Variants in CFAP299 observed in about 807,000 individuals in gnomAD.
CFAP299 encodes the protein cilia- and flagella-associated protein 299.
In CFAP299, 21 loss-of-function variants were observed where a neutral mutation model predicts 27.0. That is an observed-to-expected ratio of 0.78 (90% CI 0.55 to 1.12). The LOEUF (loss-of-function observed/expected upper bound fraction) is 1.12, where lower values mean the gene tolerates loss of function less well. CFAP299 is among the 50% of genes most tolerant of loss of function. The pLI is 0.00. For synonymous variants in CFAP299, 104 were observed against 98.1 expected, an observed-to-expected ratio of 1.06 and a Z score of -0.36; for missense variants, 310 against 276.6, an observed-to-expected ratio of 1.12 and a Z score of -0.86.
Position 80,864,485 on chromosome 4 carries a change from T to TAC in CFAP299, c.334-5507_334-5506insCA, listed in dbSNP as rs201297919. On this transcript the variant is annotated intron_variant, in intron 3 of 5. Transcript: ENST00000358105. ...ATATATATACCTATGTGTATACATA[T>TAC]ATACACATATATATACATATATACC... 6.4e-3 allele frequency among the ~76,000 whole-genome samples: 934 copies of TAC among 146,400 alleles called. 9 individuals are homozygous for TAC. Among genetic ancestry groups the TAC allele is most frequent in the African/African-American group, 0.022 (880 of 40,110 alleles).
chr4:80,720,333 C>T (rs1722740520), intron 3 of CFAP299, among the ~76,000 whole-genome samples: 1 of 152,100 alleles, frequency 6.6e-6, no homozygotes, highest in Non-Finnish European at 1.5e-5. Context: ...TGAAAAATCT[C>T]ATAGTTCACA....
intron 1 of CFAP299, among the ~76,000 whole-genome samples, chr4:80,360,809 G>A (rs1408874985): frequency 1.3e-5 from 2 of 152,190 alleles, no homozygotes; most frequent in African/African-American, 2.4e-5. Context: ...TATATTTGGT[G>A]GAAAATTCTT....
intron 2 of CFAP299, among the ~76,000 whole-genome samples, chr4:80,452,375 A>G (rs1181197572): frequency 1.3e-5 from 2 of 148,950 alleles, no homozygotes; most frequent in African/African-American, 5.2e-5. Context: ...GAGAATTCAA[A>G]TTAGTTTTTT....
intron 3 of CFAP299, among the ~76,000 whole-genome samples, chr4:80,773,826 A>T (rs934105390): frequency 2.6e-5 from 4 of 151,950 alleles, no homozygotes; most frequent in Non-Finnish European, 4.4e-5. Context: ...AAAGTTATAA[A>T]TTTTTTATAA....
intron 3 of CFAP299, among the ~76,000 whole-genome samples, chr4:80,822,307 G>C (rs556829363): frequency 1.9e-4 from 29 of 152,078 alleles, no homozygotes; most frequent in Non-Finnish European, 3.5e-4. Flanking sequence ...TCTTGGAATT[G>C]ACAAGAAAAG....
At chr4:80,719,536 TTCTGATATG>T (rs2110044290) in intron 3 of CFAP299, among the ~76,000 whole-genome samples, 1 of 152,346 alleles carries the variant, frequency 6.6e-6, no homozygotes, top group Non-Finnish European at 1.5e-5. Context: ...ATCTCATAAA[TTCTGATATG>T]TTGTGTTTTA....
chr4:80,739,284 T>G (rs1019013400), intron 3 of CFAP299, among the ~76,000 whole-genome samples: 1 of 152,168 alleles, frequency 6.6e-6, no homozygotes, highest in African/African-American at 2.4e-5. Flanking sequence ...AATTAATTCT[T>G]GCTCTTTAGC....
At chr4:80,406,177 T>G (rs892144103) in intron 2 of CFAP299, among the ~76,000 whole-genome samples, 4 of 152,306 alleles carry the variant, frequency 2.6e-5, no homozygotes, top group East Asian at 1.9e-4. Flanking sequence ...TTAATAAACC[T>G]TGTACATTTG....
chr4:80,554,997 C>T (rs921498875), intron 2 of CFAP299, among the ~76,000 whole-genome samples: 9 of 152,104 alleles, frequency 5.9e-5, no homozygotes, highest in South Asian at 2.1e-4. Context: ...TTATTTCTTT[C>T]GCTTGCCTGA....
At chr4:80,920,207 A>G (rs1385223080) in intron 4 of CFAP299, among the ~76,000 whole-genome samples, 1 of 152,112 alleles carries the variant, frequency 6.6e-6, no homozygotes. Context: ...TTAGACTAAT[A>G]TGGAACTAGA....
At chr4:80,632,276 GAAC>G (rs1345661993) in intron 3 of CFAP299, among the ~76,000 whole-genome samples, 1 of 138,726 alleles carries the variant, frequency 7.2e-6, no homozygotes, top group South Asian at 2.4e-4. Context: ...CTTTAATAAA[GAAC>G]AAATATGCTT....
At chr4:80,659,271 T>G (rs1369130100) in intron 3 of CFAP299, among the ~76,000 whole-genome samples, 1 of 151,726 alleles carries the variant, frequency 6.6e-6, no homozygotes, top group African/African-American at 2.4e-5. Flanking sequence ...AAGTGCAAAC[T>G]GCAGAGGTAA....
intron 1 of CFAP299, among the ~76,000 whole-genome samples, chr4:80,339,674 T>G (rs972247341): frequency 6.6e-5 from 10 of 152,198 alleles, no homozygotes; most frequent in African/African-American, 2.4e-4. Flanking sequence ...AGAAATATAT[T>G]TGTTCTGGGA....
At chr4:80,894,413 GTTTAT>G (rs1392322801) in intron 4 of CFAP299, among the ~76,000 whole-genome samples, 1 of 151,956 alleles carries the variant, frequency 6.6e-6, no homozygotes, top group Non-Finnish European at 1.5e-5. Flanking sequence ...TAATTTGTGT[GTTTAT>G]TTTATGTACC....
intron 2 of CFAP299, among the ~76,000 whole-genome samples, chr4:80,498,032 T>C (rs1731549973): frequency 6.6e-6 from 1 of 151,872 alleles, no homozygotes; most frequent in Admixed American, 6.6e-5. Flanking sequence ...CAGTAAACGG[T>C]GCTAGCTATA....
intron 2 of CFAP299, among the ~76,000 whole-genome samples, chr4:80,449,328 CATTTT>C (rs749382765): frequency 1.3e-4 from 19 of 151,966 alleles, no homozygotes; most frequent in African/African-American, 3.1e-4. Flanking sequence ...ATTGTTATTT[CATTTT>C]AAATTTTATT....
At chr4:80,536,498 A>T (rs1352705813) in intron 2 of CFAP299, among the ~76,000 whole-genome samples, 1 of 152,196 alleles carries the variant, frequency 6.6e-6, no homozygotes, top group Non-Finnish European at 1.5e-5. Context: ...AAGTGGCATG[A>T]TGCTACCATA....
intron 2 of CFAP299, among the ~76,000 whole-genome samples, chr4:80,385,083 T>C (rs1049694308): frequency 2.6e-5 from 4 of 152,186 alleles, no homozygotes; most frequent in African/African-American, 7.2e-5. Flanking sequence ...CACATCCCTA[T>C]TATTGTTTAT....
chr4:80,522,922 A>G (rs1732993674), intron 2 of CFAP299, among the ~76,000 whole-genome samples: 2 of 152,102 alleles, frequency 1.3e-5, no homozygotes, highest in South Asian at 4.1e-4. Context: ...TTTTAAAGCC[A>G]TGAAGTATGA....
Sources: gnomAD v4.1 joint callset for allele counts (sites outside exome capture counted in the v4.1 genomes callset) on GRCh38, gnomAD v4.1.1 for gene constraint, MANE v1.5 for transcripts, NCBI Gene and HGNC (gene_info 2026-07-23, HGNC 2026-07-21) for gene names.